Variants in ALPK2 observed in about 807,000 individuals in gnomAD.
ALPK2 encodes alpha-protein kinase 2.
A neutral mutation model predicts 163.1 loss-of-function variants in ALPK2; 127 were observed. That is an observed-to-expected ratio of 0.78 (90% confidence interval 0.67 to 0.90). The LOEUF (loss-of-function observed/expected upper bound fraction) is 0.90, where lower values mean the gene tolerates loss of function less well. Ranked by LOEUF, ALPK2 falls within the 40% of genes least tolerant of loss-of-function variation. The pLI is 0.00. For missense variants in ALPK2, 2,360 were observed against 2,589.6 expected, an observed-to-expected ratio of 0.91 and a Z score of 1.92; for synonymous variants, 953 against 959.1, an observed-to-expected ratio of 0.99 and a Z score of 0.12.
At chr18:58,581,705 C>G (rs2051960022) in intron 3 of ALPK2, among the ~76,000 whole-genome samples, 1 of 152,204 alleles carries the variant, frequency 6.6e-6, no homozygotes, top group Non-Finnish European at 1.5e-5. Context: ...TCTCATTTGA[C>G]CGCATTGTAA....
chr18:58,508,742 T>C (rs186152369), intron 10 of ALPK2, among the ~76,000 whole-genome samples: 48 of 152,306 alleles, frequency 3.2e-4, no homozygotes, highest in African/African-American at 9.9e-4. Flanking sequence ...CATTCTTTTA[T>C]TCTTCTACTT....
chr18:58,522,117 T>C (rs2051557861), intron 8 of ALPK2, among the ~76,000 whole-genome samples: 1 of 152,192 alleles, frequency 6.6e-6, no homozygotes, highest in African/African-American at 2.4e-5. Flanking sequence ...ATCCAATTTC[T>C]CCTAAAACTG....
At position 58,537,797 on chromosome 18, in the gene ALPK2, T is replaced by C. The variant is rs2051662206; in HGVS notation, c.2390A>G (p.Asp797Gly). The C allele has an allele frequency of 1.2e-6, 2 of 1,614,038 alleles. No homozygotes were observed. The highest frequency in any genetic ancestry group is 2.7e-5 in the African/African-American group (2 of 74,918). ...CTCCATTGCACACACTGCTTCTCTG[T>C]CCCTTGGCTCATCACACACATTTTC... ...TLENVCDEPR[D>G]REAVCAMECF... The change falls in exon 5 of 13, where the codon GAC becomes GGC. Residue 797 changes from aspartate to glycine, a missense_variant. Transcript: ENST00000361673.
At position 58,523,988 on chromosome 18, in the gene ALPK2, C is replaced by G. The variant is rs770387620; in HGVS notation, c.5576G>C (p.Cys1859Ser). ...CACTTTTCCGTAGCTGTTCTTGATG[C>G]AGCAGTAATAGAGTCCCTGGTCCTT... ...SPKDQGLYYC[C>S]IKNSYGKVTA... The change falls in exon 7 of 13, where the codon TGC becomes TCC. Residue 1859 changes from cysteine to serine, a missense_variant. Physicochemically the swap from Cys to Ser is moderately radical, Grantham distance 112 (BLOSUM62 -1). Coordinates refer to ENST00000361673, the MANE Select transcript of ALPK2 (RefSeq NM_052947.4). The G allele has an allele frequency of 6.2e-7, 1 of 1,614,196 alleles. No homozygotes were observed.
intron 12 of ALPK2, 117 bp downstream of exon 12, chr18:58,497,932 G>T: frequency 1.2e-6 from 1 of 859,578 alleles, no homozygotes; most frequent in Non-Finnish European, 1.9e-6. Context: ...AAGAACATTC[G>T]TCATCCACAG....
At chr18:58,520,421 T>A in intron 8 of ALPK2, among the ~76,000 whole-genome samples, 1 of 88,224 alleles carries the variant, frequency 1.1e-5, no homozygotes, top group Non-Finnish European at 2.0e-5. Context: ...AGAATGAGAC[T>A]CCGTCTCAAA....
At chr18:58,606,630 A>C (rs1221945697) in intron 3 of ALPK2, among the ~76,000 whole-genome samples, 1 of 152,128 alleles carries the variant, frequency 6.6e-6, no homozygotes, top group Non-Finnish European at 1.5e-5. Context: ...GCACACTCCC[A>C]TGCCTACCAG....
chr18:58,608,144 A>C, intron 2 of ALPK2, among the ~76,000 whole-genome samples: 1 of 152,230 alleles, frequency 6.6e-6, no homozygotes. Flanking sequence ...CTTTTTGAAA[A>C]TTATACTTTA....
In ALPK2 at chr18:58,580,458, G is replaced by A; in HGVS notation, c.318C>T (p.Cys106=). Residue 106 remains cysteine, a synonymous_variant, in exon 4 of 13, where the codon TGC becomes TGT. Coordinates refer to ENST00000361673, the MANE Select transcript of ALPK2 (RefSeq NM_052947.4). ...GAGACAATTGTGGGTTCTCTGATGA[G>A]CACTCAACCTCAACGGAAGCAGAAC... ...ICCSASVEVE[C]SSENPQLSPN... 5.0e-6 allele frequency: 8 copies of A among 1,614,162 alleles called. No homozygotes were observed. The highest frequency in any genetic ancestry group is 1.1e-5 in the South Asian group (1 of 91,084).
chr18:58,577,426 T>A (rs1274066279), intron 4 of ALPK2, among the ~76,000 whole-genome samples: 1 of 152,216 alleles, frequency 6.6e-6, no homozygotes, highest in Non-Finnish European at 1.5e-5. Context: ...GATAAATGAC[T>A]GTAAAAAAAG....
In ALPK2 at chr18:58,536,460, C is replaced by G; in HGVS notation, c.3727G>C (p.Ala1243Pro). ...GNKLKIITLE[A>P]SASEIWPPRQ... is the part of the protein sequence containing the mutation. ...GGTGGCCAGATTTCAGAAGCGGAAG[C>G]CTCTAGAGTTATAATCTTCAGCTTG... Residue 1243 changes from alanine to proline, a missense_variant, in exon 5 of 13, where the codon GCT (alanine) becomes CCT (proline). Physicochemically the swap from Ala to Pro is conservative, Grantham distance 27. Transcript: ENST00000361673. 1 of 1,614,034 alleles carries G rather than the reference C, an allele frequency of 6.2e-7. No individual in the cohort carries two copies. Among genetic ancestry groups the G allele is most frequent in the Non-Finnish European group, 8.5e-7 (1 of 1,180,014 alleles).
At chr18:58,577,829 T>A (rs2051929877) in intron 4 of ALPK2, 1 of 152,240 alleles carries the variant, frequency 6.6e-6, no homozygotes, top group Non-Finnish European at 1.5e-5. Flanking sequence ...TCACTTTGCA[T>A]TGGGAATATT....
chr18:58,538,292 A>G, intron 4 of ALPK2, 68 bp from the exon 5 acceptor site: 3 of 1,360,886 alleles, frequency 2.2e-6, no homozygotes, highest in Non-Finnish European at 3.0e-6. Context: ...CATAACTGCA[A>G]TCCCAAGAGT....
intron 4 of ALPK2, among the ~76,000 whole-genome samples, chr18:58,567,183 C>T (rs2051858913): frequency 6.6e-6 from 1 of 151,062 alleles, no homozygotes; most frequent in South Asian, 2.1e-4. Context: ...GTCAGGAGTT[C>T]GAGACCAGTG....
At chr18:58,597,202 A>G (rs1463517303) in intron 3 of ALPK2, among the ~76,000 whole-genome samples, 1 of 152,154 alleles carries the variant, frequency 6.6e-6, no homozygotes, top group Non-Finnish European at 1.5e-5. Flanking sequence ...AGGCAGGAGA[A>G]TTGCTTGAAC....
chr18:58,588,222 A>G (rs1226727234), intron 3 of ALPK2, among the ~76,000 whole-genome samples: 1 of 152,200 alleles, frequency 6.6e-6, no homozygotes, highest in East Asian at 1.9e-4. Context: ...CAAGGGCATT[A>G]TTAAGTAAAA....
At chr18:58,503,811 TA>T in intron 11 of ALPK2, 119 bp downstream of exon 11, 2 of 841,214 alleles carry the variant, frequency 2.4e-6, no homozygotes, top group Non-Finnish European at 3.7e-6. Flanking sequence ...CTTCTGCAGG[TA>T]AAGGTGTTTC....
intron 1 of ALPK2, among the ~76,000 whole-genome samples, chr18:58,618,778 CCCCCTGCA>C (rs1205336700): frequency 1.3e-5 from 2 of 152,036 alleles, no homozygotes; most frequent in Non-Finnish European, 2.9e-5. Context: ...ATCCCCCTTT[CCCCCTGCA>C]CCCCTGCAAT....
rs2051952724 is a variant in ALPK2, at chr18:58,580,471, A to G, written c.305T>C (p.Val102Ala). The change falls in exon 4 of 13, where the codon GTT becomes GCT. Residue 102 changes from valine (V) to alanine (A), a missense_variant. By Grantham distance (64) the Val-to-Ala change is moderately conservative (BLOSUM62 0). Transcript: ENST00000361673. ...GTTCTCTGATGAGCACTCAACCTCA[A>G]CGGAAGCAGAACAACAGATCATTCC... ...SFGMICCSAS[V>A]EVECSSENPQ... 6.2e-7 allele frequency: 1 copy of G among 1,614,176 alleles called. No individual in the cohort carries two copies. Among genetic ancestry groups the G allele is most frequent in the Non-Finnish European group, 8.5e-7 (1 of 1,180,022 alleles).
Sources: allele counts gnomAD v4.1 joint callset (sites outside exome capture counted in the v4.1 genomes callset), GRCh38; gene constraint gnomAD v4.1.1; transcripts MANE v1.5; gene names NCBI Gene and HGNC (gene_info 2026-07-23, HGNC 2026-07-21).